Variants in PTPRG observed in about 807,000 individuals in gnomAD.
PTPRG encodes receptor-type tyrosine-protein phosphatase gamma.
PTPRG carries 102 observed loss-of-function variants against 165.3 expected under a neutral mutation model. That is an observed-to-expected ratio of 0.62 (90% CI 0.53 to 0.73). The LOEUF (loss-of-function observed/expected upper bound fraction) is 0.73, where lower values mean the gene tolerates loss of function less well. Among genes scored for constraint, PTPRG ranks in the 30% least tolerant of loss-of-function variants. PTPRG has a pLI of 0.00. For missense variants in PTPRG, 1,866 were observed against 1,861.4 expected (o/e 1.00, Z -0.05); for synonymous variants, 675 against 669.5 (o/e 1.01, Z -0.13).
chr3:61,907,132 C>A (rs2038676414), intron 2 of PTPRG, among the ~76,000 whole-genome samples: 1 of 151,778 alleles, frequency 6.6e-6, no homozygotes, highest in African/African-American at 2.4e-5. Context: ...TCTTCCCCAA[C>A]TTCCCCCACC....
intron 26 of PTPRG, among the ~76,000 whole-genome samples, chr3:62,279,196 T>C (rs1443068994): frequency 6.6e-6 from 1 of 152,040 alleles, no homozygotes; most frequent in Non-Finnish European, 1.5e-5. Context: ...CATAATTCTG[T>C]AAGGAGCCCA....
chr3:62,255,324 G>A lies in PTPRG; in HGVS notation c.2559+109G>A, dbSNP rs1047767057. 10 of 778,020 alleles carry A rather than the reference G, an allele frequency of 1.3e-5. No homozygotes were observed. The highest frequency in any genetic ancestry group is 1.8e-5 in the Non-Finnish European group (9 of 491,432). 48.2% of individuals were successfully genotyped at this position (778,020 alleles called of 1,614,324 possible). A position where few individuals can be genotyped will look rare whatever the true frequency, so the allele number is the denominator to read the frequency against. On this transcript the variant is annotated intron_variant, in intron 16 of 29. Coordinates refer to ENST00000474889, the MANE Select transcript of PTPRG (RefSeq NM_002841.4). The surrounding 1 kb of genome is among the most constrained non-coding windows in gnomAD (Gnocchi z 4.0). ...CCAAGCATAACAAAACAGTAACTAC[G>A]GAAAGTGGAGTTTTTCTTTTCATCT...
chr3:62,117,282 G>C (rs752124016), intron 5 of PTPRG, among the ~76,000 whole-genome samples: 3 of 152,204 alleles, frequency 2.0e-5, no homozygotes, highest in Non-Finnish European at 2.9e-5. Context: ...TTCCCAGCTA[G>C]CTCACAAACT....
chr3:62,177,756 C>A (rs550463328), intron 8 of PTPRG, among the ~76,000 whole-genome samples: 4 of 152,166 alleles, frequency 2.6e-5, no homozygotes, highest in African/African-American at 9.7e-5. Context: ...CCCTCCTCAG[C>A]CTTCATAACT....
chr3:62,134,954 C>T (rs1322742676), intron 6 of PTPRG, among the ~76,000 whole-genome samples: 1 of 152,022 alleles, frequency 6.6e-6, no homozygotes, highest in African/African-American at 2.4e-5. Flanking sequence ...GAATGGAGGA[C>T]ATTAGAAATA....
At chr3:61,751,765 C>T (rs937035698) in intron 2 of PTPRG, among the ~76,000 whole-genome samples, 2 of 152,020 alleles carry the variant, frequency 1.3e-5, no homozygotes, top group East Asian at 1.9e-4. Flanking sequence ...CCGAGGTGGG[C>T]GGATCGCGAG....
chr3:62,202,013 A>G (rs1700106409), intron 11 of PTPRG, among the ~76,000 whole-genome samples: 1 of 152,176 alleles, frequency 6.6e-6, no homozygotes, highest in Admixed American at 6.5e-5. Context: ...GATAATAATA[A>G]TAGCCTAAAA....
At chr3:61,569,630 G>C (rs754938123) in intron 1 of PTPRG, among the ~76,000 whole-genome samples, 2 of 152,164 alleles carry the variant, frequency 1.3e-5, no homozygotes, top group African/African-American at 4.8e-5. Flanking sequence ...CCGTTTTTAA[G>C]TGTTCTTAAG....
chr3:62,206,400 G>T (rs1700231095), intron 12 of PTPRG, among the ~76,000 whole-genome samples: 2 of 152,018 alleles, frequency 1.3e-5, no homozygotes, highest in Non-Finnish European at 2.9e-5. Context: ...ATTCACTCAG[G>T]GTCCTCAGGT....
intron 1 of PTPRG, among the ~76,000 whole-genome samples, chr3:61,633,815 A>T (rs1332870591): frequency 6.6e-6 from 1 of 151,894 alleles, no homozygotes; most frequent in Non-Finnish European, 1.5e-5. Flanking sequence ...TTTACTATTG[A>T]GTATGATGTT....
chr3:62,197,666 C>T (rs905661702), intron 10 of PTPRG, among the ~76,000 whole-genome samples: 1 of 152,182 alleles, frequency 6.6e-6, no homozygotes, highest in Non-Finnish European at 1.5e-5. Context: ...ATGATTAAGG[C>T]CTCCTATGTG....
chr3:62,099,463 C>G (rs1006123387), intron 5 of PTPRG, among the ~76,000 whole-genome samples: 16 of 151,930 alleles, frequency 1.1e-4, no homozygotes, highest in African/African-American at 3.9e-4. Flanking sequence ...GAAAAAAACA[C>G]AAATGCCCAA....
chr3:61,862,383 T>C (rs1446874238), intron 2 of PTPRG, among the ~76,000 whole-genome samples: 1 of 147,616 alleles, frequency 6.8e-6, no homozygotes, highest in East Asian at 2.0e-4. Context: ...ACTCAGACTT[T>C]TTTTTTTTTT....
chr3:62,281,524 C>G (rs1702436733), intron 26 of PTPRG, 39 bp from the exon 27 acceptor site: 1 of 744,802 alleles, frequency 1.3e-6, no homozygotes, highest in Non-Finnish European at 1.7e-6. Flanking sequence ...AAATCCTTGA[C>G]AGAACTGCAG....
chr3:61,686,970 A>T (rs1703654097), intron 1 of PTPRG, among the ~76,000 whole-genome samples: 1 of 152,178 alleles, frequency 6.6e-6, no homozygotes, highest in Non-Finnish European at 1.5e-5. Flanking sequence ...ACTTTGATTT[A>T]TAGAATATAT....
intron 2 of PTPRG, among the ~76,000 whole-genome samples, chr3:61,973,691 G>C (rs1447514555): frequency 6.6e-6 from 1 of 151,928 alleles, no homozygotes; most frequent in Non-Finnish European, 1.5e-5. Flanking sequence ...AATTACCTGG[G>C]CGTGGTGGTG....
chr3:62,268,975 T>A lies in PTPRG; in HGVS notation c.2875-60T>A, dbSNP rs1004029509. 3 of 1,421,262 alleles carry A rather than the reference T, an allele frequency of 2.1e-6. No individual in the cohort carries two copies. In the East Asian group the frequency reaches 7.3e-5, roughly 35 times the overall value. The allele number at this position is 1,421,262 out of a possible 1,614,324, so 88.0% of individuals were successfully genotyped here. On this transcript the variant is annotated intron_variant, in intron 19 of 29. Transcript: ENST00000474889. ...TTTAACATTGTCGTTTGAAATTACA[T>A]TATCAACAGAATTGTGGCATAGATT...
intron 29 of PTPRG, 47 bp from the exon 30 acceptor site, chr3:62,293,114 T>A (rs752513488): frequency 2.1e-6 from 3 of 1,454,236 alleles, no homozygotes; most frequent in Non-Finnish European, 2.8e-6. Context: ...TTATGTGAAA[T>A]CACTAAACTG....
rs575257011 is a variant in PTPRG, at chr3:61,900,031, G to GT, written c.191-89588dup. On this transcript the variant is annotated intron_variant, in intron 2 of 29. Transcript: ENST00000474889. ...AATAGAAATTGCTCTATAAATGTCT[G>GT]TTTTTTAAAAAATGTAATTTTCTAA... Among the ~76,000 whole-genome samples the GT allele has an allele frequency of 9.2e-3, 1,403 of 152,278 alleles. 21 individuals are homozygous for GT. Among genetic ancestry groups the GT allele is most frequent in the African/African-American group, 0.032 (1,313 of 41,558 alleles).
Sources: gnomAD v4.1 joint callset for allele counts (sites outside exome capture counted in the v4.1 genomes callset) on GRCh38, gnomAD v4.1.1 for gene constraint, Gnocchi (gnomAD v3.1) non-coding constraint, MANE v1.5 for transcripts, NCBI Gene and HGNC (gene_info 2026-07-23, HGNC 2026-07-21) for gene names.